The following COG5 variants were observed in gnomAD, a reference collection of about 807,000 sequenced individuals.
COG5 encodes the protein conserved oligomeric Golgi complex subunit 5.
COG5 carries 86 observed loss-of-function variants against 110.4 expected under a neutral mutation model. That is an observed-to-expected ratio of 0.78 (90% CI 0.65 to 0.93). The LOEUF (loss-of-function observed/expected upper bound fraction) is 0.93, where lower values mean the gene tolerates loss of function less well. COG5 is among the 40% of genes least tolerant of loss of function. COG5 has a pLI of 0.00. For synonymous variants in COG5, 360 were observed against 334.6 expected (o/e 1.08, Z -0.83); for missense variants, 1,077 against 987.0 (o/e 1.09, Z -1.22).
Position 107,563,822 on chromosome 7 carries a change from G to A in COG5, c.75C>T (p.Val25=), listed in dbSNP as rs767452218. ...CCTTACCGTCCTGCAGAAGTTCCCG[G>A]ACTGTAGCTGCAGCCGCTCCAGAGC... The part of the protein sequence containing the change: ...ARGSGAAAAT[V]RELLQDGCYS... The change falls in exon 1 of 22, where the codon GTC becomes GTT. Residue 25 remains valine, a synonymous_variant. Coordinates refer to ENST00000297135, the MANE Select transcript of COG5 (RefSeq NM_006348.5). 1.2e-6 allele frequency: 2 copies of A among 1,613,846 alleles called. No homozygotes were observed. Among genetic ancestry groups the A allele is most frequent in the African/African-American group, 1.3e-5 (1 of 75,048 alleles).
intron 16 of COG5, among the ~76,000 whole-genome samples, chr7:107,249,338 G>A (rs1057203698): frequency 6.6e-6 from 1 of 151,974 alleles, no homozygotes; most frequent in Non-Finnish European, 1.5e-5. Flanking sequence ...ACATCTTACG[G>A]AATACAGAAC....
At chr7:107,267,572 T>C (rs1803901787) in intron 14 of COG5, among the ~76,000 whole-genome samples, 1 of 152,204 alleles carries the variant, frequency 6.6e-6, no homozygotes, top group Admixed American at 6.5e-5. Flanking sequence ...AAACAATCCT[T>C]CATATCTACA....
At chr7:107,219,009 A>G (rs1256491550) in intron 19 of COG5, among the ~76,000 whole-genome samples, 1 of 152,130 alleles carries the variant, frequency 6.6e-6, no homozygotes, top group African/African-American at 2.4e-5. Flanking sequence ...CAAGAAAACT[A>G]CCCAATTTAA....
chr7:107,563,806 C>G lies in COG5; in HGVS notation c.91G>C (p.Asp31His). 6.2e-7 allele frequency: 1 copy of G among 1,613,882 alleles called. No individual in the cohort carries two copies. The stretch of plus-strand genomic sequence containing the variant: ...TGGTCAGACCCCGTCTCCTTACCGT[C>G]CTGCAGAAGTTCCCGGACTGTAGCT... The part of the protein sequence containing the change: ...AAATVRELLQ[D>H]GCYSDFLNED... The change falls in exon 1 of 22, where the codon GAC becomes CAC. Residue 31 changes from aspartate to histidine, a missense_variant. By Grantham distance (81) the Asp-to-His change is moderately conservative (BLOSUM62 -1). Coordinates refer to ENST00000297135, the MANE Select transcript of COG5 (RefSeq NM_006348.5).
intron 6 of COG5, among the ~76,000 whole-genome samples, chr7:107,514,224 C>G (rs1258260997): frequency 6.6e-6 from 1 of 151,628 alleles, no homozygotes; most frequent in Non-Finnish European, 1.5e-5. Context: ...AAAAATGATT[C>G]TTCAATAATG....
chr7:107,255,316 G>C (rs1419314406), intron 16 of COG5, among the ~76,000 whole-genome samples: 1 of 152,026 alleles, frequency 6.6e-6, no homozygotes, highest in Non-Finnish European at 1.5e-5. Flanking sequence ...AGGGGAAAAA[G>C]GGATATAGAG....
At chr7:107,483,566 T>C (rs1797471726) in intron 6 of COG5, among the ~76,000 whole-genome samples, 1 of 151,968 alleles carries the variant, frequency 6.6e-6, no homozygotes, top group Admixed American at 6.6e-5. Context: ...TAGCCGGGTG[T>C]GGTGGTGCAT....
At chr7:107,541,340 T>C (rs13237822) in intron 5 of COG5, among the ~76,000 whole-genome samples, 1 of 148,404 alleles carries the variant, frequency 6.7e-6, no homozygotes, top group Non-Finnish European at 1.5e-5. Context: ...CTACAAAAAA[T>C]ACAAAAATTG....
At chr7:107,443,050 A>C (rs1794815157) in intron 6 of COG5, among the ~76,000 whole-genome samples, 1 of 152,194 alleles carries the variant, frequency 6.6e-6, no homozygotes, top group Non-Finnish European at 1.5e-5. Context: ...AACTAAAATA[A>C]AATTACTTCA....
intron 11 of COG5, among the ~76,000 whole-genome samples, chr7:107,304,070 C>A (rs1371242848): frequency 1.3e-5 from 2 of 152,090 alleles, no homozygotes; most frequent in Non-Finnish European, 2.9e-5. Flanking sequence ...GTATTGTACT[C>A]CTACCAGGTA....
At chr7:107,441,509 T>A (rs890226803) in intron 6 of COG5, among the ~76,000 whole-genome samples, 1 of 152,162 alleles carries the variant, frequency 6.6e-6, no homozygotes, top group Non-Finnish European at 1.5e-5. Flanking sequence ...AGGTGTGCAT[T>A]CAATCCAATG....
At chr7:107,418,613 C>T (rs1167964759) in intron 6 of COG5, among the ~76,000 whole-genome samples, 1 of 115,652 alleles carries the variant, frequency 8.6e-6, no homozygotes, top group East Asian at 2.2e-4. Flanking sequence ...TCATGGCTTG[C>T]TTTTTTTTTT....
intron 6 of COG5, among the ~76,000 whole-genome samples, chr7:107,423,275 T>C (rs1036911574): frequency 1.3e-5 from 2 of 152,156 alleles, no homozygotes; most frequent in Non-Finnish European, 2.9e-5. Context: ...CAGGCAGGGA[T>C]GTGATGAAGA....
At chr7:107,523,156 T>C (rs1800456470) in intron 6 of COG5, among the ~76,000 whole-genome samples, 1 of 152,202 alleles carries the variant, frequency 6.6e-6, no homozygotes, top group Non-Finnish European at 1.5e-5. Flanking sequence ...CAACATTGAC[T>C]GATTGATTGA....
At chr7:107,544,907 A>G (rs1026601594) in intron 5 of COG5, among the ~76,000 whole-genome samples, 1 of 152,210 alleles carries the variant, frequency 6.6e-6, no homozygotes, top group African/African-American at 2.4e-5. Flanking sequence ...AACAATAAAC[A>G]AACAAAATGA....
intron 1 of COG5, 92 bp downstream of exon 1, chr7:107,563,711 T>C (rs1264882011): frequency 3.4e-6 from 5 of 1,492,332 alleles, no homozygotes; most frequent in African/African-American, 1.4e-5. Context: ...GAAAACTTTC[T>C]GCAAAGCAAC....
intron 5 of COG5, among the ~76,000 whole-genome samples, chr7:107,531,759 C>A (rs1185560928): frequency 6.6e-6 from 1 of 150,834 alleles, no homozygotes; most frequent in Non-Finnish European, 1.5e-5. Flanking sequence ...TATTGATGCT[C>A]AAAGTGTTCC....
intron 10 of COG5, among the ~76,000 whole-genome samples, chr7:107,353,536 A>G (rs547879899): frequency 4.6e-5 from 7 of 152,314 alleles, no homozygotes; most frequent in African/African-American, 1.7e-4. Context: ...AAATTATCAT[A>G]TAAACTGAAA....
At chr7:107,337,138 AC>A (rs1810773199) in intron 10 of COG5, among the ~76,000 whole-genome samples, 1 of 152,156 alleles carries the variant, frequency 6.6e-6, no homozygotes, top group South Asian at 2.1e-4. Flanking sequence ...TATTAAAAAA[AC>A]AAAAAATAAC....
Sources: allele counts gnomAD v4.1 joint callset (sites outside exome capture counted in the v4.1 genomes callset), GRCh38; gene constraint gnomAD v4.1.1; transcripts MANE v1.5; gene names NCBI Gene and HGNC (gene_info 2026-07-23, HGNC 2026-07-21).